The following CDH11 variants were observed in gnomAD, a reference collection of about 807,000 sequenced individuals.
CDH11 encodes cadherin 11.
A neutral mutation model predicts 67.8 loss-of-function variants in CDH11; 11 were observed. That is an observed-to-expected ratio of 0.16 (90% CI 0.10 to 0.27). CDH11 has a LOEUF of 0.27. CDH11 is among the 10% of genes least tolerant of loss of function. CDH11 has a pLI of 1.00. For synonymous variants in CDH11, 419 were observed against 400.0 expected (o/e 1.05, Z -0.57); for missense variants, 847 against 1,031.2 (o/e 0.82, Z 2.45).
intron 1 of CDH11, among the ~76,000 whole-genome samples, chr16:65,076,064 T>C (rs1192720559): frequency 6.6e-6 from 1 of 152,122 alleles, no homozygotes; most frequent in African/African-American, 2.4e-5. Flanking sequence ...TGAGCTGCAG[T>C]CCCCGTAGAA....
At chr16:64,965,038 T>C (rs1388142613) in intron 11 of CDH11, among the ~76,000 whole-genome samples, 2 of 151,728 alleles carry the variant, frequency 1.3e-5, no homozygotes, top group South Asian at 2.1e-4. Context: ...ACCTTAATTT[T>C]TATTATTATT....
rs1461848846 is a variant in CDH11 at position 64,946,416 on chromosome 16, T to C, written c.*1187A>G. On this transcript the variant is annotated 3_prime_UTR_variant, in exon 13 of 13. Coordinates refer to ENST00000268603, the MANE Select transcript of CDH11 (RefSeq NM_001797.4). The stretch of plus-strand genomic sequence containing the variant: ...GAGTTCTGATAGCTCCATTCCCTCA[T>C]GGATTCATCTCTCATAACCATCAAA... 9.7e-6 allele frequency: 10 copies of C among 1,035,234 alleles called. No individual in the cohort carries two copies. The highest frequency in any genetic ancestry group is 1.0e-5 in the Non-Finnish European group (9 of 859,952). 64.1% of individuals were successfully genotyped at this position (1,035,234 alleles called of 1,614,324 possible).
chr16:65,037,264 G>C (rs2073771440), intron 2 of CDH11, among the ~76,000 whole-genome samples: 1 of 152,158 alleles, frequency 6.6e-6, no homozygotes, highest in African/African-American at 2.4e-5. Context: ...TTTGCACTGA[G>C]AACTGGAGAC....
At chr16:65,061,963 T>C (rs2074241613) in intron 1 of CDH11, among the ~76,000 whole-genome samples, 1 of 152,182 alleles carries the variant, frequency 6.6e-6, no homozygotes, top group African/African-American at 2.4e-5. Context: ...GGAGTAAAGT[T>C]GCCCTCAATC....
intron 11 of CDH11, among the ~76,000 whole-genome samples, chr16:64,966,194 A>C (rs2071821805): frequency 6.6e-6 from 1 of 152,118 alleles, no homozygotes; most frequent in Non-Finnish European, 1.5e-5. Flanking sequence ...TGATACAAAA[A>C]TGAAGAAAAC....
intron 2 of CDH11, among the ~76,000 whole-genome samples, chr16:65,050,764 T>G (rs970848952): frequency 1.3e-5 from 2 of 151,768 alleles, no homozygotes; most frequent in African/African-American, 2.4e-5. Context: ...TTTGCAGAAC[T>G]CTTCAAAATA....
At chr16:65,096,926 C>G (rs1050622830) in intron 1 of CDH11, among the ~76,000 whole-genome samples, 1 of 152,060 alleles carries the variant, frequency 6.6e-6, no homozygotes, top group African/African-American at 2.4e-5. Flanking sequence ...AATTTCAATT[C>G]GTTAAATAAC....
intron 2 of CDH11, among the ~76,000 whole-genome samples, chr16:65,052,199 A>G (rs2074067455): frequency 6.6e-6 from 1 of 152,140 alleles, no homozygotes; most frequent in Non-Finnish European, 1.5e-5. Flanking sequence ...TACTAAGTGC[A>G]TACTTTGGCC....
At chr16:64,970,964 A>T (rs1444218556) in intron 11 of CDH11, among the ~76,000 whole-genome samples, 1 of 152,246 alleles carries the variant, frequency 6.6e-6, no homozygotes, top group African/African-American at 2.4e-5. Flanking sequence ...CTGGGACTAC[A>T]AAAACAAAAA....
intron 2 of CDH11, among the ~76,000 whole-genome samples, chr16:65,023,837 T>A (rs2142587377): frequency 6.6e-6 from 1 of 152,326 alleles, no homozygotes; most frequent in Non-Finnish European, 1.5e-5. Context: ...GCCGTCTTGG[T>A]TTTGATGGGT....
chr16:64,968,440 G>A, intron 11 of CDH11: 11 of 984,634 alleles, frequency 1.1e-5, no homozygotes, highest in Non-Finnish European at 1.3e-5. Flanking sequence ...CTCAAAACCT[G>A]GGCAGACATG....
At chr16:64,958,465 G>A (rs1567489434) in intron 11 of CDH11, among the ~76,000 whole-genome samples, 1 of 152,016 alleles carries the variant, frequency 6.6e-6, no homozygotes, top group Non-Finnish European at 1.5e-5. Context: ...TGCTAATATG[G>A]GCAAACGCTG....
intron 11 of CDH11, among the ~76,000 whole-genome samples, chr16:64,961,077 C>G (rs567312412): frequency 6.6e-6 from 1 of 151,996 alleles, no homozygotes; most frequent in South Asian, 2.1e-4. Flanking sequence ...TCTTTTAGGA[C>G]GCTTCCTGGC....
At chr16:65,075,944 C>A (rs928363952) in intron 1 of CDH11, among the ~76,000 whole-genome samples, 1 of 152,164 alleles carries the variant, frequency 6.6e-6, no homozygotes, top group Admixed American at 6.5e-5. Flanking sequence ...GATTTATGGG[C>A]AGAGTCTAAT....
At chr16:65,070,372 C>G (rs2074395167) in intron 1 of CDH11, among the ~76,000 whole-genome samples, 1 of 152,100 alleles carries the variant, frequency 6.6e-6, no homozygotes, top group Admixed American at 6.5e-5. Flanking sequence ...CTCCATGGGG[C>G]AAGTTTTGGA....
intron 2 of CDH11, among the ~76,000 whole-genome samples, chr16:65,032,077 T>A (rs2073654140): frequency 6.6e-6 from 1 of 152,062 alleles, no homozygotes; most frequent in Admixed American, 6.5e-5. Flanking sequence ...GGTGATGGAA[T>A]AAAGGCAAAG....
upstream of CDH11, chr16:65,122,324 G>T (rs532303130): frequency 3.4e-6 from 1 of 296,800 alleles, no homozygotes; most frequent in South Asian, 3.1e-5. Flanking sequence ...CTCCCGCCCC[G>T]TGGCGCGGCG....
chr16:65,070,332 G>T lies in CDH11; in HGVS notation c.-297-16404C>A, dbSNP rs144493747. 2.5e-3 allele frequency among the ~76,000 whole-genome samples: 388 copies of T among 152,264 alleles called. 3 individuals are homozygous for T. Among genetic ancestry groups the T allele is most frequent in the Non-Finnish European group, 2.0e-3 (135 of 68,016 alleles). On this transcript the variant is annotated intron_variant, in intron 1 of 12. Transcript: ENST00000268603. The stretch of plus-strand genomic sequence containing the variant: ...ACACCTATCCAGTAGGAGAGTGAAG[G>T]AAGGAATGCAGGGAGCTGGTGACTA...
intron 2 of CDH11, among the ~76,000 whole-genome samples, chr16:65,014,073 C>T (rs142075821): frequency 4.6e-5 from 7 of 152,180 alleles, no homozygotes; most frequent in Non-Finnish European, 1.0e-4. Context: ...AACAAGAATG[C>T]GTAAATACAT....
Sources: gnomAD v4.1 joint callset for allele counts (sites outside exome capture counted in the v4.1 genomes callset) on GRCh38, gnomAD v4.1.1 for gene constraint, MANE v1.5 for transcripts, NCBI Gene and HGNC (gene_info 2026-07-23, HGNC 2026-07-21) for gene names.